The following ACOX3 variants were observed in gnomAD, a reference collection of about 807,000 sequenced individuals.
ACOX3 encodes the protein acyl-CoA oxidase 3, pristanoyl.
Under a neutral mutation model 81.5 loss-of-function variants are expected in ACOX3, and 73 were observed. The ratio of observed to expected loss-of-function variants is 0.90; its 90% CI spans 0.74 to 1.09. The LOEUF (loss-of-function observed/expected upper bound fraction) is 1.09, where lower values mean the gene tolerates loss of function less well. Ranked by LOEUF, ACOX3 falls within the 50% of genes least tolerant of loss-of-function variation. The probability of loss-of-function intolerance (pLI) is 0.00; values close to 1 mark genes in which losing one functional copy is unlikely to be tolerated. For missense variants in ACOX3, 947 were observed against 928.0 expected, an observed-to-expected ratio of 1.02 and a Z score of -0.27; for synonymous variants, 387 against 375.1, an observed-to-expected ratio of 1.03 and a Z score of -0.37.
chr4:8,372,006 T>G (rs1360281881), intron 16 of ACOX3, among the ~76,000 whole-genome samples: 1 of 152,250 alleles, frequency 6.6e-6, no homozygotes, highest in Non-Finnish European at 1.5e-5. Flanking sequence ...TGGCTGACCT[T>G]GGCCTCCCCA....
intron 13 of ACOX3, among the ~76,000 whole-genome samples, chr4:8,387,608 C>A (rs1226146084): frequency 6.6e-6 from 1 of 152,222 alleles, no homozygotes. Context: ...CGCGGCTTTA[C>A]AGACGGGGGC....
At chr4:8,403,049 T>G (rs1461597210) in intron 7 of ACOX3, among the ~76,000 whole-genome samples, 2 of 152,102 alleles carry the variant, frequency 1.3e-5, no homozygotes, top group African/African-American at 4.8e-5. Context: ...ACCTTAAGAG[T>G]CTGGCTGAAA....
chr4:8,427,563 A>G (rs1288903980), intron 1 of ACOX3, among the ~76,000 whole-genome samples: 1 of 152,194 alleles, frequency 6.6e-6, no homozygotes, highest in African/African-American at 2.4e-5. Flanking sequence ...GCCTGGGTTC[A>G]TCCTAATTGA....
chr4:8,404,656 C>T (rs377725758), intron 7 of ACOX3, among the ~76,000 whole-genome samples: 32 of 152,288 alleles, frequency 2.1e-4, no homozygotes, highest in African/African-American at 7.7e-4. Flanking sequence ...GTTTCTCCAT[C>T]GCTGAGCGCT....
In ACOX3 at chr4:8,381,272, G is replaced by C. The variant is rs1245126455; in HGVS notation, c.1653+220C>G. ...CTGGGAACCGTCAGGCACGGTAAAT[G>C]TAACATCCATGACCTCCCCAGCCCA... On this transcript the variant is annotated intron_variant, in intron 14 of 17. Coordinates refer to ENST00000356406, the MANE Select transcript of ACOX3 (RefSeq NM_003501.3). This position sits in a 1 kb window ranked among gnomAD's most constrained non-coding sequence, Gnocchi z 4.3. Among the ~76,000 whole-genome samples, 1 of 152,146 alleles carries C rather than the reference G, an allele frequency of 6.6e-6. No individual in the cohort carries two copies. The highest frequency in any genetic ancestry group is 1.5e-5 in the Non-Finnish European group (1 of 68,026).
At chr4:8,396,914 A>G in intron 9 of ACOX3, 23 bp downstream of exon 9, 3 of 1,603,624 alleles carry the variant, frequency 1.9e-6, no homozygotes, top group Middle Eastern at 1.7e-4. Context: ...GAGACAGTGA[A>G]AGGATGCTTG....
At chr4:8,410,425 T>C in intron 5 of ACOX3, 70 bp from the exon 6 acceptor site, 1 of 1,555,456 alleles carries the variant, frequency 6.4e-7, no homozygotes, top group Non-Finnish European at 8.8e-7. Flanking sequence ...TGTTTTCCTT[T>C]TAGACAGATT....
Position 8,407,570 on chromosome 4 carries a change from T to C in ACOX3, c.688-1527A>G, listed in dbSNP as rs968992071. Among the ~76,000 whole-genome samples the C allele has an allele frequency of 6.6e-6, 1 of 152,238 alleles. No homozygotes were observed. The highest frequency in any genetic ancestry group is 2.4e-5 in the African/African-American group (1 of 41,468). ...AGCGCCCTGCTTTGTGGTGCTTTGC[T>C]GTGGCAGCCATGAGAGACTAACACG... On this transcript the variant is annotated intron_variant, in intron 6 of 17. Coordinates refer to ENST00000356406, the MANE Select transcript of ACOX3 (RefSeq NM_003501.3). This position sits in a 1 kb window ranked among gnomAD's most constrained non-coding sequence, Gnocchi z 4.6.
chr4:8,397,829 C>T (rs985827518), intron 8 of ACOX3, among the ~76,000 whole-genome samples: 1 of 152,252 alleles, frequency 6.6e-6, no homozygotes, highest in African/African-American at 2.4e-5. Flanking sequence ...GCGTATTAAT[C>T]ACACTCTCAC....
At chr4:8,439,807 C>T (rs1202084071) in intron 1 of ACOX3, among the ~76,000 whole-genome samples, 1 of 152,208 alleles carries the variant, frequency 6.6e-6, no homozygotes, top group East Asian at 1.9e-4. Flanking sequence ...AAAGCGAGAA[C>T]TCCCACTAAT....
intron 9 of ACOX3, among the ~76,000 whole-genome samples, chr4:8,395,813 C>T (rs1193264614): frequency 6.6e-6 from 1 of 152,128 alleles, no homozygotes; most frequent in Non-Finnish European, 1.5e-5. Flanking sequence ...GGCTCATAGC[C>T]CTGGTCAAAG....
At chr4:8,397,764 C>T (rs1362004682) in intron 8 of ACOX3, among the ~76,000 whole-genome samples, 2 of 152,272 alleles carry the variant, frequency 1.3e-5, no homozygotes, top group East Asian at 1.9e-4. Flanking sequence ...CATCGGGCCA[C>T]TCCTCTGACC....
At chr4:8,410,736 G>A (rs1721629057) in intron 5 of ACOX3, among the ~76,000 whole-genome samples, 1 of 152,224 alleles carries the variant, frequency 6.6e-6, no homozygotes, top group South Asian at 2.1e-4. Context: ...AGGGCTGTGG[G>A]AATGCCGTGC....
intron 13 of ACOX3, among the ~76,000 whole-genome samples, chr4:8,387,425 G>A (rs954844060): frequency 2.6e-5 from 4 of 152,222 alleles, no homozygotes; most frequent in African/African-American, 7.2e-5. Flanking sequence ...TGTCACGGGA[G>A]CAGTCAGTTT....
At chr4:8,435,730 A>G (rs1724200252) in intron 1 of ACOX3, among the ~76,000 whole-genome samples, 1 of 152,210 alleles carries the variant, frequency 6.6e-6, no homozygotes, top group South Asian at 2.1e-4. Context: ...CAAAAGTGAA[A>G]GTAAGAACAG....
intron 15 of ACOX3, chr4:8,374,037 A>C: frequency 2.8e-5 from 6 of 211,244 alleles, no homozygotes; most frequent in South Asian, 7.5e-5. Flanking sequence ...GGTGCCTGGG[A>C]CCACCCAGGG....
Position 8,399,647 on chromosome 4 carries a change from G to C in ACOX3, c.782C>G (p.Ala261Gly). The change falls in exon 8 of 18, where the codon GCC (alanine) becomes GGC (glycine). Residue 261 changes from alanine to glycine, a missense_variant. By Grantham distance (60) the Ala-to-Gly change is moderately conservative. Coordinates refer to ENST00000356406, the MANE Select transcript of ACOX3 (RefSeq NM_003501.3). The surrounding 1 kb of genome is among the most constrained non-coding windows in gnomAD (Gnocchi z 4.9). ...LGQNGLDNGF[A>G]MFHKVRVPRQ... ...AGGAACTCTGACCTTGTGGAACATG[G>C]CGAAACTGTGGGGAAGCAGCAGGGC... 6.2e-7 allele frequency: 1 copy of C among 1,614,088 alleles called. No individual in the cohort carries two copies. Among genetic ancestry groups the C allele is most frequent in the Non-Finnish European group, 8.5e-7 (1 of 1,179,940 alleles).
chr4:8,440,685 A>C lies in ACOX3; in HGVS notation c.-52T>G. The C allele has an allele frequency of 8.7e-7, 1 of 1,145,826 alleles. No individual in the cohort carries two copies. The highest frequency in any genetic ancestry group is 1.2e-6 in the Non-Finnish European group (1 of 862,418). The allele number at this position is 1,145,826 out of a possible 1,614,324, so 71.0% of individuals were successfully genotyped here. A position where few individuals can be genotyped will look rare whatever the true frequency, so the allele number is the denominator to read the frequency against. ...CAGTTCAACCCCTGCCAGGGAAACC[A>C]AAAGCAGGAAAGGATCTCCAGCGGC... On this transcript the variant is annotated 5_prime_UTR_variant, in exon 1 of 18. Transcript: ENST00000356406.
the ACOX3 span, among the ~76,000 whole-genome samples, chr4:8,358,981 G>C: frequency 2.0e-5 from 3 of 152,126 alleles, no homozygotes. Flanking sequence ...CTCGGGGTCT[G>C]GATTGGGACC....
Sources: allele counts gnomAD v4.1 joint callset (sites outside exome capture counted in the v4.1 genomes callset), GRCh38; gene constraint gnomAD v4.1.1; non-coding constraint Gnocchi (gnomAD v3.1); transcripts MANE v1.5; gene names NCBI Gene and HGNC (gene_info 2026-07-23, HGNC 2026-07-21).